ST6GALNAC5: variants seen among roughly 807,000 people sequenced by gnomAD.
ST6GALNAC5 encodes alpha-N-acetylgalactosaminide alpha-2,6-sialyltransferase 5.
In ST6GALNAC5, 27 loss-of-function variants were observed where a neutral mutation model predicts 33.6. That is an observed-to-expected ratio of 0.80 (90% CI 0.59 to 1.11). The LOEUF is 1.11. ST6GALNAC5 is among the 50% of genes least tolerant of loss of function. The pLI, the probability that ST6GALNAC5 is intolerant of heterozygous loss-of-function variation, is 0.00. For missense variants in ST6GALNAC5, 428 were observed against 454.0 expected (o/e 0.94, Z 0.52); for synonymous variants, 194 against 171.2 (o/e 1.13, Z -1.04).
At chr1:76,891,233 C>T (rs1654006996) in intron 2 of ST6GALNAC5, among the ~76,000 whole-genome samples, 1 of 152,114 alleles carries the variant, frequency 6.6e-6, no homozygotes, top group African/African-American at 2.4e-5. Context: ...ACAGAGACCA[C>T]GTGAAGACAC....
chr1:76,911,414 T>G (rs1646909930), intron 2 of ST6GALNAC5, among the ~76,000 whole-genome samples: 1 of 152,150 alleles, frequency 6.6e-6, no homozygotes, highest in South Asian at 2.1e-4. Flanking sequence ...CTTTTTTGGT[T>G]GTGTCTCTGC....
At chr1:77,015,137 A>C (rs1457148904) in intron 2 of ST6GALNAC5, among the ~76,000 whole-genome samples, 1 of 151,956 alleles carries the variant, frequency 6.6e-6, no homozygotes, top group Non-Finnish European at 1.5e-5. Flanking sequence ...AGGCCAAGAC[A>C]TCCCATGATC....
At position 77,049,903 on chromosome 1, in the gene ST6GALNAC5, T is replaced by C. The variant is rs1652162938; in HGVS notation, c.672-355T>C. The stretch of plus-strand genomic sequence containing the variant: ...CAAGGAGAATTTCTAGTTACTCAAG[T>C]GTTCTCGTTAAGAAAGAGTTGTTAA... On this transcript the variant is annotated intron_variant, in intron 3 of 4. Coordinates refer to ENST00000477717, the MANE Select transcript of ST6GALNAC5 (RefSeq NM_030965.3). Among the ~76,000 whole-genome samples, 3 of 152,340 alleles carry C rather than the reference T, an allele frequency of 2.0e-5. No individual in the cohort carries two copies. In the South Asian group the frequency reaches 6.2e-4, roughly 32 times the overall value.
At chr1:77,008,041 G>A (rs1478436840) in intron 2 of ST6GALNAC5, among the ~76,000 whole-genome samples, 1 of 152,192 alleles carries the variant, frequency 6.6e-6, no homozygotes, top group Admixed American at 6.5e-5. Flanking sequence ...TCCTATGGGA[G>A]TAGACCAGCA....
chr1:76,946,462 G>A (rs1273221059), intron 2 of ST6GALNAC5, among the ~76,000 whole-genome samples: 1 of 152,162 alleles, frequency 6.6e-6, no homozygotes, highest in East Asian at 1.9e-4. Flanking sequence ...CTTTAGCACT[G>A]TGCATTAGCA....
chr1:77,030,937 G>A (rs1006776621), intron 2 of ST6GALNAC5, among the ~76,000 whole-genome samples: 12 of 152,194 alleles, frequency 7.9e-5, no homozygotes, highest in African/African-American at 2.9e-4. Context: ...CAGAGTCAGC[G>A]GAGTGAAGGC....
At chr1:76,968,608 T>C (rs564747361) in intron 2 of ST6GALNAC5, among the ~76,000 whole-genome samples, 1 of 152,348 alleles carries the variant, frequency 6.6e-6, no homozygotes, top group Non-Finnish European at 1.5e-5. Context: ...TGTGTGTTAA[T>C]GTGATCCAGT....
intron 2 of ST6GALNAC5, among the ~76,000 whole-genome samples, chr1:76,889,487 A>G (rs1312372686): frequency 2.6e-5 from 4 of 152,090 alleles, no homozygotes; most frequent in Non-Finnish European, 5.9e-5. Flanking sequence ...TTCTTTGAAA[A>G]TATCTTTATT....
At chr1:76,967,934 G>A (rs1648570138) in intron 2 of ST6GALNAC5, among the ~76,000 whole-genome samples, 1 of 152,192 alleles carries the variant, frequency 6.6e-6, no homozygotes, top group African/African-American at 2.4e-5. Context: ...TGGTTGCAGT[G>A]TGGTCTGAGA....
intron 2 of ST6GALNAC5, among the ~76,000 whole-genome samples, chr1:76,901,594 G>A (rs1557715721): frequency 6.6e-6 from 1 of 152,098 alleles, no homozygotes; most frequent in Non-Finnish European, 1.5e-5. Context: ...AAGAGAACAG[G>A]GTACTTTGGG....
intron 2 of ST6GALNAC5, among the ~76,000 whole-genome samples, chr1:77,017,764 G>A (rs1245010814): frequency 1.3e-5 from 2 of 152,184 alleles, no homozygotes; most frequent in Non-Finnish European, 2.9e-5. Flanking sequence ...GAGAAAGAAT[G>A]AATGTGAGAT....
intron 2 of ST6GALNAC5, among the ~76,000 whole-genome samples, chr1:77,039,806 G>A (rs1038754743): frequency 6.6e-6 from 1 of 152,178 alleles, no homozygotes; most frequent in African/African-American, 2.4e-5. Context: ...GAAAAAGTCA[G>A]AGAGAAGGCC....
intron 2 of ST6GALNAC5, among the ~76,000 whole-genome samples, chr1:76,958,344 G>A (rs574271634): frequency 3.0e-4 from 45 of 152,236 alleles, no homozygotes; most frequent in African/African-American, 7.0e-4. Context: ...AACTCAGTCC[G>A]GCAGTAGTGT....
At chr1:77,056,974 G>T (rs1017477440) in intron 4 of ST6GALNAC5, among the ~76,000 whole-genome samples, 3 of 152,202 alleles carry the variant, frequency 2.0e-5, no homozygotes, top group African/African-American at 7.2e-5. Flanking sequence ...TGCTTGGGAA[G>T]GACTGCTGCA....
rs531573845 is a variant in ST6GALNAC5, at chr1:77,018,346, G to T, written c.262-25858G>T. Among the ~76,000 whole-genome samples, 3 of 152,236 alleles carry T rather than the reference G, an allele frequency of 2.0e-5. No homozygotes were observed. In the South Asian group the frequency reaches 6.2e-4, roughly 32 times the overall value. On this transcript the variant is annotated intron_variant, in intron 2 of 4. Coordinates refer to ENST00000477717, the MANE Select transcript of ST6GALNAC5 (RefSeq NM_030965.3). ...GAAACTCAGAATCCTAGCAGCACAGGCATCTTCTGAGTACTCACCATGCAC... is the reference window on the plus strand; with the variant it reads ...GAAACTCAGAATCCTAGCAGCACAGTCATCTTCTGAGTACTCACCATGCAC...
At chr1:76,873,389 C>T (rs985480152) in intron 2 of ST6GALNAC5, among the ~76,000 whole-genome samples, 5 of 152,202 alleles carry the variant, frequency 3.3e-5, no homozygotes, top group Non-Finnish European at 7.3e-5. Context: ...CTTCCCCCAA[C>T]TAGAATCTAA....
At chr1:76,941,604 A>G (rs1379962348) in intron 2 of ST6GALNAC5, among the ~76,000 whole-genome samples, 1 of 152,132 alleles carries the variant, frequency 6.6e-6, no homozygotes, top group Non-Finnish European at 1.5e-5. Context: ...CTGAAATCCA[A>G]TGACAAGTGT....
intron 2 of ST6GALNAC5, among the ~76,000 whole-genome samples, chr1:76,882,155 T>C (rs1653795089): frequency 6.6e-6 from 1 of 152,208 alleles, no homozygotes; most frequent in African/African-American, 2.4e-5. Context: ...AAAAGAGTCT[T>C]CCACCAACCA....
chr1:76,995,051 T>C (rs1282028262), intron 2 of ST6GALNAC5, among the ~76,000 whole-genome samples: 1 of 152,160 alleles, frequency 6.6e-6, no homozygotes, highest in East Asian at 1.9e-4. Flanking sequence ...GTCTCTTGGA[T>C]TGAGCAGCAG....
Sources: allele counts gnomAD v4.1 joint callset (sites outside exome capture counted in the v4.1 genomes callset), GRCh38; gene constraint gnomAD v4.1.1; transcripts MANE v1.5; gene names NCBI Gene and HGNC (gene_info 2026-07-23, HGNC 2026-07-21).